Variants in APBB1IP observed in about 807,000 individuals in gnomAD.
The protein encoded by APBB1IP is amyloid beta precursor protein binding family B member 1 interacting protein, also known as amyloid beta A4 precursor protein-binding family B member 1-interacting protein.
In APBB1IP, 27 loss-of-function variants were observed where a neutral mutation model predicts 64.9. The observed-to-expected ratio is 0.42, with a 90% CI of 0.31 to 0.57. The LOEUF is 0.57. APBB1IP is among the 20% of genes least tolerant of loss of function. The pLI is 0.20. For synonymous variants in APBB1IP, 392 were observed against 331.0 expected, an observed-to-expected ratio of 1.18 and a Z score of -2.00; for missense variants, 812 against 845.5, an observed-to-expected ratio of 0.96 and a Z score of 0.49.
intron 8 of APBB1IP, among the ~76,000 whole-genome samples, chr10:26,524,145 T>C (rs894325123): frequency 6.6e-6 from 1 of 152,062 alleles, no homozygotes; most frequent in African/African-American, 2.4e-5. Flanking sequence ...ATTTATCCCC[T>C]GAAGCAGATT....
intron 11 of APBB1IP, among the ~76,000 whole-genome samples, chr10:26,545,724 C>G (rs1488799503): frequency 6.6e-6 from 1 of 150,924 alleles, no homozygotes. Flanking sequence ...CGCGCCACTG[C>G]ACTCCAGCCT....
At chr10:26,461,648 A>G (rs1835593885) in intron 2 of APBB1IP, among the ~76,000 whole-genome samples, 1 of 151,992 alleles carries the variant, frequency 6.6e-6, no homozygotes, top group Admixed American at 6.6e-5. Context: ...AAAAAGTTTC[A>G]TATTCTTTTA....
At chr10:26,511,943 A>C (rs1419737518) in intron 7 of APBB1IP, 37 bp downstream of exon 7, 2 of 1,608,882 alleles carry the variant, frequency 1.2e-6, no homozygotes, top group African/African-American at 2.7e-5. Flanking sequence ...GTACTCCAAA[A>C]ACCTTGTGGG....
chr10:26,445,185 A>C (rs564050571), intron 2 of APBB1IP, among the ~76,000 whole-genome samples: 25 of 145,396 alleles, frequency 1.7e-4, no homozygotes, highest in Admixed American at 3.4e-4. Flanking sequence ...AGAAAGAAAG[A>C]AAGAAAGAAA....
At chr10:26,535,953 T>C (rs983715085) in intron 9 of APBB1IP, 121 bp from the exon 10 acceptor site, 3 of 1,007,076 alleles carry the variant, frequency 3.0e-6, no homozygotes, top group Non-Finnish European at 4.3e-6. Context: ...ATGCATTCGA[T>C]CAGAGTTGTA....
intron 8 of APBB1IP, among the ~76,000 whole-genome samples, chr10:26,521,082 A>G (rs779491930): frequency 6.6e-6 from 1 of 152,220 alleles, no homozygotes; most frequent in Non-Finnish European, 1.5e-5. Flanking sequence ...GTAACTCTTA[A>G]TGGATTCTTC....
At chr10:26,505,824 T>C (rs2132441275) in intron 6 of APBB1IP, among the ~76,000 whole-genome samples, 1 of 152,236 alleles carries the variant, frequency 6.6e-6, no homozygotes, top group East Asian at 1.9e-4. Flanking sequence ...CAGACTCTTC[T>C]CTTGGGCTGC....
intron 13 of APBB1IP, among the ~76,000 whole-genome samples, chr10:26,561,303 C>T (rs1456518855): frequency 6.0e-5 from 9 of 150,670 alleles, no homozygotes; most frequent in Admixed American, 2.0e-4. Context: ...CTCCTGACCT[C>T]GTGATGCACC....
intron 14 of APBB1IP, among the ~76,000 whole-genome samples, chr10:26,565,684 G>A (rs763737992): frequency 6.6e-6 from 1 of 152,222 alleles, no homozygotes; most frequent in Non-Finnish European, 1.5e-5. Flanking sequence ...ATGATGGGAG[G>A]AAAAGGTGGT....
intron 2 of APBB1IP, among the ~76,000 whole-genome samples, chr10:26,439,649 TG>T (rs1835318695): frequency 1.0e-5 from 1 of 95,778 alleles, no homozygotes; most frequent in African/African-American, 3.2e-5. Flanking sequence ...ACGTGAAATG[TG>T]TTTCCTAGAC....
At chr10:26,523,462 C>T (rs533769762) in intron 8 of APBB1IP, among the ~76,000 whole-genome samples, 1 of 152,210 alleles carries the variant, frequency 6.6e-6, no homozygotes, top group South Asian at 2.1e-4. Context: ...TGAGCCTTAC[C>T]CTGGGGCAGT....
chr10:26,496,163 T>A, intron 3 of APBB1IP, 141 bp from the exon 4 acceptor site: 1 of 509,966 alleles, frequency 2.0e-6, no homozygotes, highest in East Asian at 3.2e-5. Flanking sequence ...TAAAACATTT[T>A]CAAGTTACCA....
rs879867349 is a variant in APBB1IP, at chr10:26,472,934, C to CAAAAAA, written c.1-19388_1-19387insAAAAAA. Among the ~76,000 whole-genome samples the CAAAAAA allele has an allele frequency of 1.1e-4, 16 of 149,042 alleles. 1 individual carries two copies. Among genetic ancestry groups the CAAAAAA allele is most frequent in the Admixed American group, 2.0e-4 (3 of 14,988 alleles). On this transcript the variant is annotated intron_variant, in intron 2 of 14. Transcript: ENST00000376236. ...CCTGGGCGACAGGGGGAGACTTCAT[C>CAAAAAA]AAAAACAAAAAGAAAAAGATCTTAA...
At chr10:26,446,343 CG>C (rs2132394541) in intron 2 of APBB1IP, among the ~76,000 whole-genome samples, 1 of 152,264 alleles carries the variant, frequency 6.6e-6, no homozygotes, top group East Asian at 1.9e-4. Context: ...ATTTCATAAA[CG>C]GTATGGCTTA....
At chr10:26,449,824 A>T (rs961469343) in intron 2 of APBB1IP, among the ~76,000 whole-genome samples, 1 of 152,120 alleles carries the variant, frequency 6.6e-6, no homozygotes, top group South Asian at 2.1e-4. Context: ...AGCTTGGGCA[A>T]TACAATGAGA....
Position 26,560,711 on chromosome 10 carries a change from C to T in APBB1IP, c.1255-19C>T, listed in dbSNP as rs1304984482. 3 of 1,543,750 alleles carry T rather than the reference C, an allele frequency of 1.9e-6. No homozygotes were observed. Among genetic ancestry groups the T allele is most frequent in the Admixed American group, 2.0e-5 (1 of 49,464 alleles). On this transcript the variant is annotated intron_variant, in intron 12 of 14. Transcript: ENST00000376236. ...GATACATGGATTCCTTTCCTTCTTCCTTTGTGTTCTCTCCCCAGTATGGGA... is the reference window on the plus strand; with the variant it reads ...GATACATGGATTCCTTTCCTTCTTCTTTTGTGTTCTCTCCCCAGTATGGGA...
At chr10:26,480,813 A>G (rs1055401100) in intron 2 of APBB1IP, among the ~76,000 whole-genome samples, 10 of 151,990 alleles carry the variant, frequency 6.6e-5, no homozygotes, top group African/African-American at 2.2e-4. Flanking sequence ...AGTGCAAACA[A>G]AAGTCCAGTT....
intron 3 of APBB1IP, among the ~76,000 whole-genome samples, chr10:26,493,085 G>T (rs960282762): frequency 1.3e-5 from 2 of 152,082 alleles, no homozygotes; most frequent in African/African-American, 2.4e-5. Context: ...CCTTACTGGG[G>T]AAAGAATTCA....
intron 2 of APBB1IP, among the ~76,000 whole-genome samples, chr10:26,448,592 G>A (rs1835427353): frequency 6.6e-6 from 1 of 152,138 alleles, no homozygotes; most frequent in South Asian, 2.1e-4. Context: ...GAATTTTTTA[G>A]GGTAAAGGAA....
Sources: gnomAD v4.1 joint callset for allele counts (sites outside exome capture counted in the v4.1 genomes callset) on GRCh38, gnomAD v4.1.1 for gene constraint, MANE v1.5 for transcripts, NCBI Gene and HGNC (gene_info 2026-07-23, HGNC 2026-07-21) for gene names.